RORA: variants seen among roughly 807,000 people sequenced by gnomAD.
RORA encodes the protein RAR related orphan receptor A.
A neutral mutation model predicts 69.5 loss-of-function variants in RORA; 7 were observed. The observed-to-expected ratio is 0.10, with a 90% CI of 0.06 to 0.19. The LOEUF (loss-of-function observed/expected upper bound fraction) is 0.19, where lower values mean the gene tolerates loss of function less well. Ranked by LOEUF, RORA falls within the 10% of genes least tolerant of loss-of-function variation. RORA has a pLI of 1.00. For missense variants in RORA, 457 were observed against 663.0 expected, an observed-to-expected ratio of 0.69 and a Z score of 3.41; for synonymous variants, 261 against 240.8, an observed-to-expected ratio of 1.08 and a Z score of -0.78.
At chr15:60,964,531 C>T (rs369308707) in intron 1 of RORA, among the ~76,000 whole-genome samples, 9 of 152,122 alleles carry the variant, frequency 5.9e-5, no homozygotes, top group African/African-American at 1.9e-4. Flanking sequence ...TCCTTGTAGC[C>T]ATATACCTGA....
chr15:61,109,706 CG>C (rs2078985487), intron 1 of RORA, among the ~76,000 whole-genome samples: 1 of 152,190 alleles, frequency 6.6e-6, no homozygotes, highest in African/African-American at 2.4e-5. Flanking sequence ...TAAAAGCATG[CG>C]CTCTGAAACA....
At chr15:60,879,343 A>G in intron 1 of RORA, among the ~76,000 whole-genome samples, 1 of 152,038 alleles carries the variant, frequency 6.6e-6, no homozygotes, top group Admixed American at 6.6e-5. Flanking sequence ...CATCAGTAAC[A>G]TGAGAATAAT....
chr15:61,192,114 G>A lies in RORA; in HGVS notation c.166+36939C>T, dbSNP rs1488284434. Among the ~76,000 whole-genome samples, 3 of 152,242 alleles carry A rather than the reference G, an allele frequency of 2.0e-5. No homozygotes were observed. In the East Asian group the frequency reaches 5.8e-4, roughly 29 times the overall value. On this transcript the variant is annotated intron_variant, in intron 1 of 10. Coordinates refer to ENST00000335670, the MANE Select transcript of RORA (RefSeq NM_134261.3). ...ACATGTCACCCTTAACCAACACGGTGCTATTTAAGTAAGTGCCAACCTGCA... is the reference window on the plus strand; with the variant it reads ...ACATGTCACCCTTAACCAACACGGTACTATTTAAGTAAGTGCCAACCTGCA...
chr15:60,840,341 G>A (rs1438148156), intron 1 of RORA, among the ~76,000 whole-genome samples: 5 of 152,254 alleles, frequency 3.3e-5, no homozygotes, highest in Non-Finnish European at 1.5e-5. Flanking sequence ...ACACAGGCCT[G>A]GTGGAGATTG....
At chr15:60,882,950 G>A (rs1052913931) in intron 1 of RORA, among the ~76,000 whole-genome samples, 1 of 151,864 alleles carries the variant, frequency 6.6e-6, no homozygotes, top group African/African-American at 2.4e-5. Flanking sequence ...GGCCAACATG[G>A]TGAAAGCCCA....
At chr15:61,021,720 G>T (rs1217817358) in intron 1 of RORA, among the ~76,000 whole-genome samples, 1 of 152,166 alleles carries the variant, frequency 6.6e-6, no homozygotes, top group Non-Finnish European at 1.5e-5. Flanking sequence ...TTCTCCTATG[G>T]TGAGGGCAAT....
At chr15:60,834,272 T>C (rs1403580196) in intron 1 of RORA, among the ~76,000 whole-genome samples, 1 of 152,194 alleles carries the variant, frequency 6.6e-6, no homozygotes, top group Non-Finnish European at 1.5e-5. Context: ...TCTCATGTTT[T>C]CATTTCTGAG....
chr15:61,112,758 C>T (rs537068671), intron 1 of RORA, among the ~76,000 whole-genome samples: 4 of 152,276 alleles, frequency 2.6e-5, no homozygotes, highest in South Asian at 2.1e-4. Flanking sequence ...CCCAGACAGA[C>T]GAAGGATATT....
intron 2 of RORA, among the ~76,000 whole-genome samples, chr15:60,543,607 T>C (rs1015444779): frequency 2.2e-4 from 33 of 152,010 alleles, no homozygotes; most frequent in African/African-American, 8.0e-4. Flanking sequence ...GCCTCCTGAG[T>C]AGCTGGGACT....
chr15:60,653,298 C>CGTGTGTGTGTGT (rs61265165), intron 2 of RORA, among the ~76,000 whole-genome samples: 4 of 147,482 alleles, frequency 2.7e-5, no homozygotes, highest in African/African-American at 5.0e-5. Context: ...CAGGTGCATG[C>CGTGTGTGTGTGT]GTGTGTGTGT....
intron 1 of RORA, among the ~76,000 whole-genome samples, chr15:60,840,490 T>C (rs114206195): frequency 0.016 from 2,499 of 152,344 alleles, 63 homozygotes; most frequent in African/African-American, 0.057. Flanking sequence ...CCATGACTCA[T>C]AGAACCCTGT....
intron 2 of RORA, among the ~76,000 whole-genome samples, chr15:60,538,051 C>G (rs1404900294): frequency 6.6e-6 from 1 of 152,164 alleles, no homozygotes; most frequent in Non-Finnish European, 1.5e-5. Flanking sequence ...AAATGAGCCT[C>G]AGGAGGGTTA....
chr15:60,705,052 G>A (rs540515690), intron 1 of RORA, among the ~76,000 whole-genome samples: 25 of 151,798 alleles, frequency 1.6e-4, no homozygotes, highest in Non-Finnish European at 2.6e-4. Flanking sequence ...TTTTCGTCTC[G>A]AAAATTTTGC....
chr15:61,224,226 G>A (rs191601620), intron 1 of RORA, among the ~76,000 whole-genome samples: 7 of 152,348 alleles, frequency 4.6e-5, no homozygotes, highest in South Asian at 2.1e-4. Flanking sequence ...ATCTGTGAGC[G>A]AGCAGATGAG....
intron 1 of RORA, among the ~76,000 whole-genome samples, chr15:60,718,396 T>C (rs1180346131): frequency 6.6e-6 from 1 of 152,186 alleles, no homozygotes. Context: ...GTTAAAGACA[T>C]TCACTTAGAA....
intron 2 of RORA, among the ~76,000 whole-genome samples, chr15:60,564,735 A>G (rs558462804): frequency 6.6e-6 from 1 of 152,300 alleles, no homozygotes; most frequent in East Asian, 1.9e-4. Context: ...GGGATAGGGA[A>G]TCTGAGAAAA....
chr15:60,901,578 A>C (rs1288390959), intron 1 of RORA, among the ~76,000 whole-genome samples: 1 of 152,256 alleles, frequency 6.6e-6, no homozygotes, highest in Non-Finnish European at 1.5e-5. Flanking sequence ...TAACTTAACA[A>C]GTATTTATGT....
At chr15:60,651,527 TG>T (rs2070142504) in intron 2 of RORA, among the ~76,000 whole-genome samples, 1 of 152,204 alleles carries the variant, frequency 6.6e-6, no homozygotes, top group South Asian at 2.1e-4. Flanking sequence ...CAAACCTTCA[TG>T]GTTTTTTCAT....
intron 1 of RORA, among the ~76,000 whole-genome samples, chr15:60,942,466 G>T (rs568998658): frequency 7.2e-5 from 11 of 152,248 alleles, no homozygotes; most frequent in African/African-American, 2.6e-4. Flanking sequence ...CAAGATGTTC[G>T]GCAATTATTT....
Sources: allele counts gnomAD v4.1 joint callset (sites outside exome capture counted in the v4.1 genomes callset), GRCh38; gene constraint gnomAD v4.1.1; transcripts MANE v1.5; gene names NCBI Gene and HGNC (gene_info 2026-07-23, HGNC 2026-07-21).